The following LSM7 variants were observed in gnomAD, a reference collection of about 807,000 sequenced individuals.
LSM7 encodes the protein U6 snRNA-associated Sm-like protein LSm7.
Under a neutral mutation model 14.1 loss-of-function variants are expected in LSM7, and 13 were observed. That is an observed-to-expected ratio of 0.92 (90% CI 0.60 to 1.47). The LOEUF is 1.47. Ranked by LOEUF, LSM7 falls within the 40% of genes most tolerant of loss-of-function variation. The pLI, the probability that LSM7 is intolerant of heterozygous loss-of-function variation, is 0.00. For missense variants in LSM7, 108 were observed against 140.8 expected, an observed-to-expected ratio of 0.77 and a Z score of 1.18; for synonymous variants, 70 against 57.1, an observed-to-expected ratio of 1.23 and a Z score of -1.02.
intron 3 of LSM7, among the ~76,000 whole-genome samples, chr19:2,322,736 C>G (rs917459005): frequency 1.3e-5 from 2 of 152,110 alleles, no homozygotes; most frequent in Non-Finnish European, 2.9e-5. Context: ...TTTTCAGACA[C>G]CAGGTCTTGC....
At chr19:2,326,312 TTGTGTGTGTGTGTGTGTGTGTGTGTGTG>T (rs145468909) in intron 2 of LSM7, among the ~76,000 whole-genome samples, 1 of 129,674 alleles carries the variant, frequency 7.7e-6, no homozygotes, top group Admixed American at 7.6e-5. Context: ...TTTCTGCTTT[TTGTGTGTGTGTGTGTGTGTGTGTGTGTG>T]TGTGTGTGTG....
Position 2,321,759 on chromosome 19 carries a change from C to T in LSM7, c.233G>A (p.Gly78Asp). 6.4e-7 allele frequency: 1 copy of T among 1,560,532 alleles called. No individual in the cohort carries two copies. Among genetic ancestry groups the T allele is most frequent in the Non-Finnish European group, 8.7e-7 (1 of 1,153,470 alleles). Residue 78 changes from glycine to aspartate, a missense_variant, in exon 4 of 4, where the codon GGC (glycine) becomes GAC (aspartate). Transcript: ENST00000252622. This position sits in a 1 kb window ranked among gnomAD's most constrained non-coding sequence, Gnocchi z 5.0. Reference protein sequence around the residue: ...TRQLGLVVCRGTSVVLICPQD... With the variant: ...TRQLGLVVCRDTSVVLICPQD... ...CGGGCAGATTAGCACCACGGACGTG[C>T]CCCGGCACACCACGAGGCCCAGCTG...
At chr19:2,323,070 C>G (rs1967958275) in intron 3 of LSM7, among the ~76,000 whole-genome samples, 1 of 152,132 alleles carries the variant, frequency 6.6e-6, no homozygotes, top group Non-Finnish European at 1.5e-5. Context: ...AAGACCCTCT[C>G]TCTCCTAAGT....
intron 2 of LSM7, 155 bp downstream of exon 2, chr19:2,328,232 T>C (rs769718028): frequency 3.5e-5 from 23 of 659,278 alleles, no homozygotes; most frequent in Non-Finnish European, 5.8e-5. Context: ...ATCGCACCAC[T>C]GCACTCCAGC....
Position 2,322,366 on chromosome 19 carries a change from C to T in LSM7, c.170-544G>A, listed in dbSNP as rs573033279. 3.9e-5 allele frequency among the ~76,000 whole-genome samples: 6 copies of T among 152,108 alleles called. 1 individual carries two copies. The highest frequency in any genetic ancestry group is 4.2e-4 in the South Asian group (2 of 4,814). On this transcript the variant is annotated intron_variant, in intron 3 of 3. Transcript: ENST00000252622. ...CATCCTGGCTAACTTGGTGAAACCC[C>T]GTCTCTACTAAAAAATACAAAAAAA... is the stretch of plus-strand genomic sequence containing the variant.
rs180822398 is a variant in LSM7, at chr19:2,321,939, C to T, written c.170-117G>A. On this transcript the variant is annotated intron_variant, in intron 3 of 3. Coordinates refer to ENST00000252622, the MANE Select transcript of LSM7 (RefSeq NM_016199.3). The surrounding 1 kb of genome is among the most constrained non-coding windows in gnomAD (Gnocchi z 5.0). Reference sequence around the variant, plus strand: ...CTGCACCCTGCAGGCGCCACGAGCACGCAGGGACCTCAGACGGGATGCGCT... The same window carrying T: ...CTGCACCCTGCAGGCGCCACGAGCATGCAGGGACCTCAGACGGGATGCGCT... 6,164 of 976,726 alleles carry T rather than the reference C, an allele frequency of 6.3e-3. 33 individuals are homozygous for T. The highest frequency in any genetic ancestry group is 7.7e-3 in the Non-Finnish European group (5,604 of 729,464). The allele number at this position is 976,726 out of a possible 1,614,324, so 60.5% of individuals were successfully genotyped here. A position where few individuals can be genotyped will look rare whatever the true frequency, so the allele number is the denominator to read the frequency against.
chr19:2,328,320 T>C (rs1230437781), intron 2 of LSM7, 67 bp downstream of exon 2: 1 of 1,334,308 alleles, frequency 7.5e-7, no homozygotes, highest in Non-Finnish European at 1.1e-6. Context: ...TGCGTCCTCA[T>C]CATCTCTGTT....
intron 2 of LSM7, among the ~76,000 whole-genome samples, chr19:2,327,528 A>G (rs141730843): frequency 6.6e-6 from 1 of 151,826 alleles, no homozygotes; most frequent in African/African-American, 2.4e-5. Context: ...GGCATGAGCC[A>G]CTGTGCCTGG....
intron 3 of LSM7, among the ~76,000 whole-genome samples, chr19:2,322,989 A>AT (rs1967956854): frequency 6.6e-6 from 1 of 150,898 alleles, no homozygotes; most frequent in African/African-American, 2.5e-5. Flanking sequence ...AAGTGCTGGG[A>AT]TTACAGGCAT....
chr19:2,322,842 C>G (rs1431109001), intron 3 of LSM7, among the ~76,000 whole-genome samples: 1 of 152,006 alleles, frequency 6.6e-6, no homozygotes, highest in African/African-American at 2.4e-5. Flanking sequence ...TCCTGAGTAG[C>G]TGGGGCCACA....
chr19:2,324,254 G>C (rs1479791874), intron 2 of LSM7, 58 bp from the exon 3 acceptor site: 1 of 1,380,402 alleles, frequency 7.2e-7, no homozygotes, highest in Non-Finnish European at 1.0e-6. Flanking sequence ...CCTGGGCGCA[G>C]GGCCCGCCCC....
intron 2 of LSM7, chr19:2,324,460 G>T: frequency 1.9e-6 from 1 of 513,056 alleles, no homozygotes; most frequent in Non-Finnish European, 3.6e-6. Flanking sequence ...TGCTGGCTCG[G>T]GCTGCCTGGG....
At chr19:2,324,654 C>T (rs368233961) in intron 2 of LSM7, 28 of 167,918 alleles carry the variant, frequency 1.7e-4, no homozygotes, top group Middle Eastern at 2.9e-3. Context: ...GCAAAACAGG[C>T]GGCGGCACGT....
rs950651603 is a variant in LSM7, at chr19:2,321,898, G to A, written c.170-76C>T. 69 of 1,277,720 alleles carry A rather than the reference G, an allele frequency of 5.4e-5. No individual in the cohort carries two copies. Among genetic ancestry groups the A allele is most frequent in the Non-Finnish European group, 6.3e-5 (63 of 995,746 alleles). 79.1% of individuals were successfully genotyped at this position (1,277,720 alleles called of 1,614,324 possible). ...GACCCCCCACCCACCCAAGACCCTC[G>A]CTCCGACCTCCCCACCTGCACCCTG... On this transcript the variant is annotated intron_variant, in intron 3 of 3. Coordinates refer to ENST00000252622, the MANE Select transcript of LSM7 (RefSeq NM_016199.3). The surrounding 1 kb of genome is among the most constrained non-coding windows in gnomAD (Gnocchi z 5.0).
intron 2 of LSM7, 58 bp downstream of exon 2, chr19:2,328,329 T>C: frequency 7.0e-7 from 1 of 1,431,826 alleles, no homozygotes; most frequent in Non-Finnish European, 9.8e-7. Context: ...ATCATCTCTG[T>C]TGCTGGGTTT....
At chr19:2,324,255 G>A (rs1967981799) in intron 2 of LSM7, 59 bp from the exon 3 acceptor site, 3 of 1,369,792 alleles carry the variant, frequency 2.2e-6, no homozygotes, top group African/African-American at 1.4e-5. Flanking sequence ...CTGGGCGCAG[G>A]GCCCGCCCCA....
chr19:2,323,926 G>A (rs945666534), intron 3 of LSM7, among the ~76,000 whole-genome samples, 199 bp downstream of exon 3: 4 of 152,194 alleles, frequency 2.6e-5, no homozygotes, highest in Non-Finnish European at 4.4e-5. Context: ...TCTAGGACCA[G>A]TGAGCGCTCA....
In LSM7 at chr19:2,328,433, C is replaced by T. The variant is rs1463615950; in HGVS notation, c.51G>A (p.Lys17=). The T allele has an allele frequency of 4.3e-6, 7 of 1,613,862 alleles. No homozygotes were observed. Among genetic ancestry groups the T allele is most frequent in the African/African-American group, 1.3e-5 (1 of 74,952 alleles). Reference sequence around the variant, plus strand: ...TTACCCGGATCGTCTTGTCGATGTACTTGGACAAGTCCAAGATGCTCTCCT... The same window carrying T: ...TTACCCGGATCGTCTTGTCGATGTATTTGGACAAGTCCAAGATGCTCTCCT... ...KKKESILDLS[K]YIDKTIRVKF... The change falls in exon 2 of 4, where the codon AAG becomes AAA. Residue 17 remains lysine, a synonymous_variant. Coordinates refer to ENST00000252622, the MANE Select transcript of LSM7 (RefSeq NM_016199.3).
intron 2 of LSM7, among the ~76,000 whole-genome samples, chr19:2,327,307 T>A (rs949168735): frequency 6.6e-6 from 1 of 152,234 alleles, no homozygotes; most frequent in African/African-American, 2.4e-5. Context: ...ATCGCCAGGC[T>A]GGAGTGCGGT....
Sources: gnomAD v4.1 joint callset for allele counts (sites outside exome capture counted in the v4.1 genomes callset) on GRCh38, gnomAD v4.1.1 for gene constraint, Gnocchi (gnomAD v3.1) non-coding constraint, MANE v1.5 for transcripts, NCBI Gene and HGNC (gene_info 2026-07-23, HGNC 2026-07-21) for gene names.